RBM33: variants seen among roughly 807,000 people sequenced by gnomAD.
The protein encoded by RBM33 is RNA-binding protein 33.
RBM33 carries 28 observed loss-of-function variants against 132.6 expected under a neutral mutation model. The observed-to-expected ratio is 0.21, with a 90% confidence interval of 0.16 to 0.29. The LOEUF (loss-of-function observed/expected upper bound fraction) is 0.29, where lower values mean the gene tolerates loss of function less well. RBM33 is among the 10% of genes least tolerant of loss of function. RBM33 has a pLI of 1.00. For missense variants in RBM33, 1,291 were observed against 1,518.5 expected (o/e 0.85, Z 2.49); for synonymous variants, 634 against 593.0 (o/e 1.07, Z -1.01).
intron 6 of RBM33, among the ~76,000 whole-genome samples, chr7:155,702,638 G>C (rs975974712): frequency 6.6e-6 from 1 of 152,190 alleles, no homozygotes; most frequent in Non-Finnish European, 1.5e-5. Context: ...CTTGGCTTGA[G>C]ATGAGATGGA....
At position 155,774,767 on chromosome 7, in the gene RBM33, C is replaced by A; in HGVS notation, c.3464+120C>A. 1.1e-6 allele frequency: 1 copy of A among 904,954 alleles called. No homozygotes were observed. The highest frequency in any genetic ancestry group is 1.8e-6 in the Non-Finnish European group (1 of 549,414). 56.1% of individuals were successfully genotyped at this position (904,954 alleles called of 1,614,324 possible). A position where few individuals can be genotyped will look rare whatever the true frequency, so the allele number is the denominator to read the frequency against. On this transcript the variant is annotated intron_variant, in intron 17 of 17. Transcript: ENST00000401878. This position sits in a 1 kb window ranked among gnomAD's most constrained non-coding sequence, Gnocchi z 4.2. ...CCCCACCTGTTCCTGTAGAAGGACA[C>A]TAGGGCACAAAGCGCAGACGGTGAT... is the stretch of plus-strand genomic sequence containing the variant.
chr7:155,772,111 T>C (rs561583611), intron 16 of RBM33, among the ~76,000 whole-genome samples: 1 of 152,386 alleles, frequency 6.6e-6, no homozygotes, highest in African/African-American at 2.4e-5. Flanking sequence ...CAGTAAGCTC[T>C]GCTGCAGTAT....
At chr7:155,648,887 G>T (rs1798273705) in intron 1 of RBM33, among the ~76,000 whole-genome samples, 1 of 152,082 alleles carries the variant, frequency 6.6e-6, no homozygotes, top group Non-Finnish European at 1.5e-5. Flanking sequence ...TCTTATGGAG[G>T]ATCCTTTGTA....
intron 1 of RBM33, among the ~76,000 whole-genome samples, chr7:155,650,808 T>G (rs1427848687): frequency 6.6e-6 from 1 of 152,246 alleles, no homozygotes; most frequent in Non-Finnish European, 1.5e-5. Flanking sequence ...AGAAAAATTA[T>G]TCTTTATGTT....
chr7:155,746,563 C>G (rs962505969), intron 14 of RBM33: 1 of 152,192 alleles, frequency 6.6e-6, no homozygotes, highest in African/African-American at 2.4e-5. Flanking sequence ...TAAAATAAAA[C>G]CAGTCACTGC....
intron 9 of RBM33, among the ~76,000 whole-genome samples, chr7:155,721,138 CGT>C (rs1800612429): frequency 1.3e-5 from 2 of 151,760 alleles, no homozygotes; most frequent in Non-Finnish European, 2.9e-5. Flanking sequence ...AAGCTGTGCT[CGT>C]AGTAGTGCAT....
At chr7:155,727,152 C>T (rs12154819) in intron 9 of RBM33, among the ~76,000 whole-genome samples, 4,160 of 152,210 alleles carry the variant, frequency 0.027, 72 homozygotes, top group Middle Eastern at 0.037. Flanking sequence ...GATAGGGACT[C>T]CTATGTTTTT....
chr7:155,723,809 T>G (rs959061756), intron 9 of RBM33, among the ~76,000 whole-genome samples: 5 of 152,212 alleles, frequency 3.3e-5, no homozygotes, highest in Non-Finnish European at 7.3e-5. Context: ...TAAAAACTGC[T>G]TTATAAAGTA....
intron 2 of RBM33, among the ~76,000 whole-genome samples, chr7:155,670,871 T>C (rs1319012713): frequency 6.6e-6 from 1 of 152,250 alleles, no homozygotes; most frequent in Non-Finnish European, 1.5e-5. Flanking sequence ...CACTTACTTA[T>C]CTTTTTAAAA....
chr7:155,773,454 G>C (rs540983872), intron 16 of RBM33, among the ~76,000 whole-genome samples: 1 of 151,214 alleles, frequency 6.6e-6, no homozygotes, highest in African/African-American at 2.4e-5. Context: ...TATAATCCCA[G>C]CTACTTGGGA....
At chr7:155,748,315 A>G (rs927923684) in intron 14 of RBM33, among the ~76,000 whole-genome samples, 4 of 152,194 alleles carry the variant, frequency 2.6e-5, no homozygotes, top group Admixed American at 6.5e-5. Context: ...ATTTAATTCA[A>G]TTATTCTTTG....
intron 2 of RBM33, among the ~76,000 whole-genome samples, chr7:155,668,684 G>A (rs565011121): frequency 7.9e-4 from 120 of 152,252 alleles, no homozygotes; most frequent in African/African-American, 2.7e-3. Context: ...GAAAAGACAG[G>A]GTAAGTGATT....
intron 5 of RBM33, among the ~76,000 whole-genome samples, chr7:155,687,167 C>G (rs1170925627): frequency 6.6e-6 from 1 of 152,204 alleles, no homozygotes; most frequent in Non-Finnish European, 1.5e-5. Flanking sequence ...TTAATGATCA[C>G]CATTCTAACT....
intron 14 of RBM33, among the ~76,000 whole-genome samples, chr7:155,751,134 G>A (rs1801675654): frequency 6.6e-6 from 1 of 152,186 alleles, no homozygotes; most frequent in African/African-American, 2.4e-5. Context: ...GGGGAGGTGG[G>A]AAAGGGAATG....
intron 9 of RBM33, among the ~76,000 whole-genome samples, chr7:155,728,337 G>A (rs1056427755): frequency 5.3e-5 from 8 of 152,052 alleles, no homozygotes; most frequent in Non-Finnish European, 1.2e-4. Context: ...CTGTACACTC[G>A]ATGACATAAT....
At position 155,744,967 on chromosome 7, in the gene RBM33, G is replaced by A. The variant is rs1801464157; in HGVS notation, c.2344G>A (p.Asp782Asn). 1.9e-6 allele frequency: 3 copies of A among 1,558,526 alleles called. No homozygotes were observed. Among genetic ancestry groups the A allele is most frequent in the South Asian group, 2.4e-5 (2 of 81,784 alleles). Residue 782 changes from aspartate to asparagine, a missense_variant, in exon 14 of 18, where the codon GAT becomes AAT. By Grantham distance (23) the Asp-to-Asn change is conservative. This residue lies in a region of RBM33 where 841 missense variants were observed against 912.0 expected (regional missense o/e 0.92). Transcript: ENST00000401878. ...TGTATGTTTTCCATTTTAGTTTCCTGATGAAGATGAGGAAACAAGGTTATA... is the reference window on the plus strand; with the variant it reads ...TGTATGTTTTCCATTTTAGTTTCCTAATGAAGATGAGGAAACAAGGTTATA... ...EEAKTETEFPDEDEETRLYRL... is the reference protein window; with the variant it reads ...EEAKTETEFPNEDEETRLYRL...
At chr7:155,681,387 G>T (rs543336178) in intron 5 of RBM33, among the ~76,000 whole-genome samples, 3 of 152,102 alleles carry the variant, frequency 2.0e-5, no homozygotes, top group Non-Finnish European at 4.4e-5. Flanking sequence ...GAGATTGGAG[G>T]TTAGTTTAGG....
In RBM33 at chr7:155,753,292, C is replaced by A. The variant is rs771579077; in HGVS notation, c.2979+7690C>A. 7.9e-5 allele frequency among the ~76,000 whole-genome samples: 12 copies of A among 152,320 alleles called. No homozygotes were observed. The Middle Eastern group carries it at 0.01, about 130-fold the overall frequency. ...CTGAAAGTCCTCCTTTCTAGATTTG[C>A]AAAATGGGATATTTCACATCCTGTT... On this transcript the variant is annotated intron_variant, in intron 14 of 17. Transcript: ENST00000401878.
rs373931090 is a variant in RBM33 at position 155,738,278 on chromosome 7, G to T, written c.1612G>T (p.Val538Leu). The part of the protein sequence containing the change: ...VRPALQPPGP[V>L]GILHFSQPGS... ...ACCAGCCTTGCAGCCTCCAGGTCCGGTGGGGATTCTGCACTTTAGCCAGCC... is the reference window on the plus strand; with the variant it reads ...ACCAGCCTTGCAGCCTCCAGGTCCGTTGGGGATTCTGCACTTTAGCCAGCC... The change falls in exon 11 of 18, where the codon GTG (valine) becomes TTG (leucine). Residue 538 changes from valine (V) to leucine (L), a missense_variant. This residue lies in a region of RBM33 where 841 missense variants were observed against 912.0 expected (regional missense o/e 0.92). Coordinates refer to ENST00000401878, the MANE Select transcript of RBM33 (RefSeq NM_053043.3). 6.2e-6 allele frequency: 10 copies of T among 1,613,844 alleles called. No homozygotes were observed. In the African/African-American group the frequency reaches 1.3e-4, roughly 22 times the overall value.
Sources: allele counts gnomAD v4.1 joint callset (sites outside exome capture counted in the v4.1 genomes callset), GRCh38; gene constraint gnomAD v4.1.1; regional missense constraint gnomAD v4.1.1; non-coding constraint Gnocchi (gnomAD v3.1); transcripts MANE v1.5; gene names NCBI Gene and HGNC (gene_info 2026-07-23, HGNC 2026-07-21).